MMP26: variants seen among roughly 807,000 people sequenced by gnomAD.
The protein encoded by MMP26 is matrix metalloproteinase-26.
In MMP26, 33 loss-of-function variants were observed where a neutral mutation model predicts 31.0. That is an observed-to-expected ratio of 1.06 (90% CI 0.81 to 1.42). The LOEUF is 1.42. Ranked by LOEUF, MMP26 falls within the 40% of genes most tolerant of loss-of-function variation. The pLI, the probability that MMP26 is intolerant of heterozygous loss-of-function variation, is 0.00. For missense variants in MMP26, 347 were observed against 316.1 expected (o/e 1.10, Z -0.74); for synonymous variants, 122 against 114.9 (o/e 1.06, Z -0.40).
At chr11:4,915,094 C>T (rs1444169047) in intron 2 of MMP26, 52 of 1,614,026 alleles carry the variant, frequency 3.2e-5, no homozygotes, top group Non-Finnish European at 4.4e-5. Context: ...AGGCCAATTT[C>T]ATCACTTCTT....
intron 2 of MMP26, among the ~76,000 whole-genome samples, chr11:4,969,725 A>T (rs1846640095): frequency 6.6e-6 from 1 of 152,122 alleles, no homozygotes; most frequent in African/African-American, 2.4e-5. Flanking sequence ...CATCCAGTAG[A>T]TATACTATTA....
chr11:4,931,959 T>A (rs1851354227), intron 2 of MMP26, among the ~76,000 whole-genome samples: 1 of 152,088 alleles, frequency 6.6e-6, no homozygotes, highest in Non-Finnish European at 1.5e-5. Flanking sequence ...TCTTTTCTAC[T>A]CCTTATCATC....
intron 2 of MMP26, among the ~76,000 whole-genome samples, chr11:4,927,204 T>TA (rs1167552660): frequency 1.3e-5 from 2 of 152,240 alleles, no homozygotes; most frequent in Non-Finnish European, 2.9e-5. Flanking sequence ...TGTTGTTAAC[T>TA]ATTATCAGCA....
chr11:4,760,924 A>G (rs1848562884), intron 1 of MMP26, among the ~76,000 whole-genome samples: 1 of 152,272 alleles, frequency 6.6e-6, no homozygotes, highest in African/African-American at 2.4e-5. Flanking sequence ...ATGGCAGGAA[A>G]TACATACATA....
intron 2 of MMP26, among the ~76,000 whole-genome samples, chr11:4,855,916 T>G (rs961655049): frequency 1.3e-5 from 2 of 152,178 alleles, no homozygotes; most frequent in African/African-American, 4.8e-5. Flanking sequence ...GGGGCCAATA[T>G]TCAACATTCT....
intron 1 of MMP26, among the ~76,000 whole-genome samples, chr11:4,728,208 A>G (rs543547685): frequency 2.8e-4 from 43 of 152,364 alleles, no homozygotes; most frequent in African/African-American, 9.6e-4. Flanking sequence ...GTAATTTAAC[A>G]TAGGGAAATG....
chr11:4,821,130 C>T (rs181618692), intron 2 of MMP26, among the ~76,000 whole-genome samples: 38 of 152,210 alleles, frequency 2.5e-4, no homozygotes, highest in African/African-American at 8.9e-4. Context: ...GCAGACGTGA[C>T]TTAATTGTAA....
At chr11:4,766,313 T>C (rs888455494) in intron 1 of MMP26, among the ~76,000 whole-genome samples, 25 of 152,150 alleles carry the variant, frequency 1.6e-4, no homozygotes, top group African/African-American at 5.8e-4. Flanking sequence ...GTGGAAATGA[T>C]TGTTCTTACC....
intron 1 of MMP26, among the ~76,000 whole-genome samples, chr11:4,706,577 CAAAAAAA>C (rs71050423): frequency 1.1e-5 from 1 of 87,562 alleles, no homozygotes; most frequent in East Asian, 4.1e-4. Context: ...GACCCTATCT[CAAAAAAA>C]AAAAAAAAAA....
chr11:4,800,107 C>G (rs1849161818), intron 2 of MMP26, among the ~76,000 whole-genome samples: 1 of 152,216 alleles, frequency 6.6e-6, no homozygotes, highest in African/African-American at 2.4e-5. Flanking sequence ...CACAGGTCCA[C>G]TAGTCAGTGG....
chr11:4,969,489 C>T lies in MMP26; in HGVS notation c.-144-18579C>T, dbSNP rs61052274. On this transcript the variant is annotated intron_variant, in intron 2 of 7. Transcript: ENST00000380390. ...CACCAAACAAAGCTAGCCATTATCT[C>T]ATATCTCAAGTAATTTACCTGTTAA... Among the ~76,000 whole-genome samples, 473 of 152,094 alleles carry T rather than the reference C, an allele frequency of 3.1e-3. 3 individuals are homozygous for T. The highest frequency in any genetic ancestry group is 0.011 in the African/African-American group (454 of 41,536).
chr11:4,748,468 A>C (rs1564900328), intron 1 of MMP26, among the ~76,000 whole-genome samples: 1 of 152,034 alleles, frequency 6.6e-6, no homozygotes, highest in Non-Finnish European at 1.5e-5. Context: ...CCAATACCAA[A>C]GCCAGGCATG....
rs186781909 is a variant in MMP26, at chr11:4,823,589, G to A, written c.-145+56248G>A. 4.8e-4 allele frequency among the ~76,000 whole-genome samples: 73 copies of A among 152,120 alleles called. 1 individual carries two copies. Among genetic ancestry groups the A allele is most frequent in the Non-Finnish European group, 7.2e-4 (49 of 67,988 alleles). On this transcript the variant is annotated intron_variant, in intron 2 of 7. Transcript: ENST00000380390. ...TTTCCTCCTTTTCCAGAAACTTAAC[G>A]AAATCCCCCATGAGGCCATGGATGT...
intron 2 of MMP26, among the ~76,000 whole-genome samples, chr11:4,981,424 G>A (rs1030667729): frequency 3.9e-5 from 6 of 152,048 alleles, no homozygotes; most frequent in Non-Finnish European, 7.4e-5. Flanking sequence ...AAATACTATA[G>A]ACAATTGTAA....
intron 2 of MMP26, among the ~76,000 whole-genome samples, chr11:4,898,576 T>C (rs1850747940): frequency 1.3e-5 from 2 of 152,182 alleles, no homozygotes; most frequent in African/African-American, 4.8e-5. Context: ...ATTTAATATC[T>C]TTCCACGTTC....
intron 2 of MMP26, among the ~76,000 whole-genome samples, chr11:4,853,734 A>T (rs1385702748): frequency 3.3e-5 from 5 of 152,184 alleles, no homozygotes; most frequent in Non-Finnish European, 7.3e-5. Flanking sequence ...ATAATAACTA[A>T]TGCTTCTCAT....
intron 2 of MMP26, among the ~76,000 whole-genome samples, chr11:4,786,021 C>T (rs1848938650): frequency 1.3e-5 from 2 of 152,120 alleles, no homozygotes; most frequent in African/African-American, 4.8e-5. Context: ...TCAAAGTTCT[C>T]CCTTTTCTCC....
intron 2 of MMP26, chr11:4,909,435 T>C (rs1008308186): frequency 1.3e-5 from 2 of 152,108 alleles, no homozygotes; most frequent in African/African-American, 4.8e-5. Flanking sequence ...GAATTTTGTC[T>C]TGAGGATTTG....
chr11:4,945,369 G>C (rs912780630), intron 2 of MMP26: 1 of 152,166 alleles, frequency 6.6e-6, no homozygotes, highest in African/African-American at 2.4e-5. Context: ...AGGTTGATGT[G>C]GCTGGAGATT....
Sources: allele counts gnomAD v4.1 joint callset (sites outside exome capture counted in the v4.1 genomes callset), GRCh38; gene constraint gnomAD v4.1.1; transcripts MANE v1.5; gene names NCBI Gene and HGNC (gene_info 2026-07-23, HGNC 2026-07-21).